Variants in RORA observed in about 807,000 individuals in gnomAD.
RORA encodes the protein RAR related orphan receptor A, also known as nuclear receptor ROR-alpha.
RORA carries 7 observed loss-of-function variants against 69.5 expected under a neutral mutation model. That is an observed-to-expected ratio of 0.10 (90% CI 0.06 to 0.19). The LOEUF (loss-of-function observed/expected upper bound fraction) is 0.19, where lower values mean the gene tolerates loss of function less well. RORA is among the 10% of genes least tolerant of loss of function. The pLI, the probability that RORA is intolerant of heterozygous loss-of-function variation, is 1.00. For missense variants in RORA, 457 were observed against 663.0 expected, an observed-to-expected ratio of 0.69 and a Z score of 3.41; for synonymous variants, 261 against 240.8, an observed-to-expected ratio of 1.08 and a Z score of -0.78.
rs77934211 is a variant in RORA, at chr15:60,590,986, C to T, written c.197-59135G>A. Among the ~76,000 whole-genome samples the T allele has an allele frequency of 2.0e-4, 31 of 152,270 alleles. No homozygotes were observed. The East Asian group carries it at 5.6e-3, about 27-fold the overall frequency. Reference sequence around the variant, plus strand: ...CTGTTAATAATTAATAAAAGAGATGCCACCCAATCTCTAGTGAAGAAAGGC... The same window carrying T: ...CTGTTAATAATTAATAAAAGAGATGTCACCCAATCTCTAGTGAAGAAAGGC... On this transcript the variant is annotated intron_variant, in intron 2 of 10. Transcript: ENST00000335670.
At chr15:61,029,292 C>A (rs866245649) in intron 1 of RORA, among the ~76,000 whole-genome samples, 2 of 152,002 alleles carry the variant, frequency 1.3e-5, no homozygotes, top group African/African-American at 4.8e-5. Context: ...ACATGACGAG[C>A]ACCATTGGAA....
At chr15:60,847,633 T>A in intron 1 of RORA, 1 of 151,702 alleles carries the variant, frequency 6.6e-6, no homozygotes, top group East Asian at 1.9e-4. Context: ...CAAATTGAGG[T>A]ATGCTTCAAG....
chr15:61,196,251 A>G (rs1401473457), intron 1 of RORA, among the ~76,000 whole-genome samples: 1 of 152,246 alleles, frequency 6.6e-6, no homozygotes, highest in Non-Finnish European at 1.5e-5. Flanking sequence ...GCTGGGTAGC[A>G]GCTTATGCTG....
intron 1 of RORA, among the ~76,000 whole-genome samples, chr15:60,898,500 A>ATAATAAAT (rs1555461058): frequency 2.9e-5 from 4 of 138,046 alleles, no homozygotes; most frequent in Non-Finnish European, 6.2e-5. Context: ...ATTGTCTCTA[A>ATAATAAAT]AAATAAATAA....
chr15:60,555,981 A>G (rs1347662177), intron 2 of RORA, among the ~76,000 whole-genome samples: 3 of 152,134 alleles, frequency 2.0e-5, no homozygotes, highest in African/African-American at 7.2e-5. Flanking sequence ...ACCTCGGCTT[A>G]CACATCTCAA....
intron 1 of RORA, among the ~76,000 whole-genome samples, chr15:61,116,493 C>T (rs1217482960): frequency 6.6e-6 from 1 of 152,184 alleles, no homozygotes; most frequent in African/African-American, 2.4e-5. Context: ...TACCCCATTC[C>T]TGGACCAAGC....
chr15:60,896,245 T>C (rs1891228093), intron 1 of RORA, among the ~76,000 whole-genome samples: 1 of 152,222 alleles, frequency 6.6e-6, no homozygotes, highest in Admixed American at 6.5e-5. Context: ...GTCACACTCT[T>C]CTTTGTCTGC....
chr15:60,823,334 T>G (rs2072918729), intron 1 of RORA, among the ~76,000 whole-genome samples: 1 of 152,078 alleles, frequency 6.6e-6, no homozygotes, highest in East Asian at 1.9e-4. Flanking sequence ...GGAGTACAGG[T>G]GTAAGCCACC....
intron 3 of RORA, chr15:60,520,027 T>G (rs2066110491): frequency 6.6e-6 from 1 of 152,126 alleles, no homozygotes; most frequent in South Asian, 2.1e-4. Flanking sequence ...AGGATTACCC[T>G]TATTTGGAAG....
At chr15:60,653,121 G>T (rs940582872) in intron 2 of RORA, among the ~76,000 whole-genome samples, 13 of 152,184 alleles carry the variant, frequency 8.5e-5, no homozygotes, top group African/African-American at 2.9e-4. Flanking sequence ...GAACCACTTT[G>T]AAAGTGATTT....
At chr15:60,730,144 C>T (rs1008176218) in intron 1 of RORA, among the ~76,000 whole-genome samples, 21 of 152,204 alleles carry the variant, frequency 1.4e-4, no homozygotes, top group Admixed American at 1.4e-3. Context: ...AATGAGGCTG[C>T]AAGCATCTTG....
At chr15:60,499,842 G>A in intron 10 of RORA, 50 bp downstream of exon 10, 2 of 1,002,334 alleles carry the variant, frequency 2.0e-6, no homozygotes, top group Non-Finnish European at 3.0e-6. Context: ...AGCATGATTT[G>A]TGCCAGGGGA....
At chr15:60,849,374 A>C (rs1027644302) in intron 1 of RORA, among the ~76,000 whole-genome samples, 2 of 152,246 alleles carry the variant, frequency 1.3e-5, no homozygotes, top group Non-Finnish European at 2.9e-5. Context: ...TATCATCTGA[A>C]AACTTTTAGG....
At chr15:60,781,813 T>C (rs1484835242) in intron 1 of RORA, among the ~76,000 whole-genome samples, 1 of 152,196 alleles carries the variant, frequency 6.6e-6, no homozygotes. Flanking sequence ...TTAGTTTGTT[T>C]CCCACTTTGT....
Position 60,787,681 on chromosome 15 carries a change from A to G in RORA, c.167-108995T>C, listed in dbSNP as rs142465968. Among the ~76,000 whole-genome samples, 276 of 152,284 alleles carry G rather than the reference A, an allele frequency of 1.8e-3. 1 individual carries two copies. Among genetic ancestry groups the G allele is most frequent in the Non-Finnish European group, 3.3e-3 (222 of 68,016 alleles). On this transcript the variant is annotated intron_variant, in intron 1 of 10. Transcript: ENST00000335670. ...ACTGCTTTCAAGGAGATCTTTCCTA[A>G]TTGGCTAGGAGAGGATATAACCCAA...
intron 1 of RORA, among the ~76,000 whole-genome samples, chr15:60,703,126 A>AACACACACACACACACAC (rs33962963): frequency 6.9e-6 from 1 of 145,484 alleles, no homozygotes; most frequent in Non-Finnish European, 1.5e-5. Flanking sequence ...GCTTCAGATT[A>AACACACACACACACACAC]ACACACACAC....
chr15:60,520,928 T>C (rs1192335910), intron 3 of RORA, among the ~76,000 whole-genome samples: 3 of 152,208 alleles, frequency 2.0e-5, no homozygotes, highest in Non-Finnish European at 2.9e-5. Flanking sequence ...TTTCAGGTAG[T>C]ATACGTTTAG....
chr15:60,831,687 C>T (rs535077205), intron 1 of RORA, among the ~76,000 whole-genome samples: 41 of 152,286 alleles, frequency 2.7e-4, no homozygotes, highest in Admixed American at 5.9e-4. Context: ...TTCTCAAGTG[C>T]TTTTTCATCA....
chr15:61,221,891 A>G (rs1163875307), intron 1 of RORA, among the ~76,000 whole-genome samples: 2 of 151,988 alleles, frequency 1.3e-5, no homozygotes, highest in Non-Finnish European at 2.9e-5. Context: ...GTGCAGTAGT[A>G]CATGCCTGTA....
Sources: gnomAD v4.1 joint callset for allele counts (sites outside exome capture counted in the v4.1 genomes callset) on GRCh38, gnomAD v4.1.1 for gene constraint, MANE v1.5 for transcripts, NCBI Gene and HGNC (gene_info 2026-07-23, HGNC 2026-07-21) for gene names.